The following ERGIC1 variants were observed in gnomAD, a reference collection of about 807,000 sequenced individuals.
ERGIC1 encodes endoplasmic reticulum-golgi intermediate compartment 1.
A neutral mutation model predicts 38.3 loss-of-function variants in ERGIC1; 19 were observed. The ratio of observed to expected loss-of-function variants is 0.50; its 90% CI spans 0.35 to 0.73. The LOEUF (loss-of-function observed/expected upper bound fraction) is 0.73. ERGIC1 is among the 30% of genes least tolerant of loss of function. The probability of loss-of-function intolerance (pLI) is 0.01; values close to 1 mark genes in which losing one functional copy is unlikely to be tolerated. For synonymous variants in ERGIC1, 124 were observed against 157.6 expected, an observed-to-expected ratio of 0.79 and a Z score of 1.60; for missense variants, 294 against 389.2, an observed-to-expected ratio of 0.76 and a Z score of 2.06.
intron 1 of ERGIC1, among the ~76,000 whole-genome samples, chr5:172,863,435 C>T (rs1761769906): frequency 6.6e-6 from 1 of 152,176 alleles, no homozygotes; most frequent in Non-Finnish European, 1.5e-5. Context: ...GTCTCAGGTA[C>T]ACCACTGCGC....
At chr5:172,924,226 A>G in intron 6 of ERGIC1, 117 bp downstream of exon 6, 1 of 982,562 alleles carries the variant, frequency 1.0e-6, no homozygotes. Flanking sequence ...GTGACATCTA[A>G]GCCAAGCCTG....
intron 3 of ERGIC1, chr5:172,897,919 T>G (rs1762763694): frequency 2.4e-6 from 1 of 413,628 alleles, no homozygotes; most frequent in Non-Finnish European, 4.4e-6. Flanking sequence ...TAGAATTATC[T>G]GTTGTCTGGA....
intron 1 of ERGIC1, among the ~76,000 whole-genome samples, chr5:172,866,111 G>A (rs938956047): frequency 9.9e-5 from 15 of 152,080 alleles, no homozygotes; most frequent in African/African-American, 3.4e-4. Flanking sequence ...TGGTATTGCC[G>A]AGTCCAATTA....
intron 5 of ERGIC1, chr5:172,921,396 C>T (rs1377006283): frequency 6.6e-6 from 1 of 152,252 alleles, no homozygotes; most frequent in Non-Finnish European, 1.5e-5. Flanking sequence ...CTGCAGCTCG[C>T]TCCACTGCGA....
chr5:172,910,520 C>CTTTTTTTTTTTTT (rs58360974), intron 4 of ERGIC1, among the ~76,000 whole-genome samples: 42 of 139,042 alleles, frequency 3.0e-4, no homozygotes, highest in African/African-American at 1.2e-3. Flanking sequence ...TGAATTACTT[C>CTTTTTTTTTTTTT]TTTTTTTTTT....
intron 1 of ERGIC1, among the ~76,000 whole-genome samples, chr5:172,859,342 T>A (rs1262895528): frequency 1.3e-5 from 2 of 152,176 alleles, no homozygotes; most frequent in African/African-American, 4.8e-5. Context: ...CCAGAACCTT[T>A]GAGCTCCGTG....
chr5:172,846,800 T>C lies in ERGIC1; in HGVS notation c.20+12367T>C, dbSNP rs537978160. Reference sequence around the variant, plus strand: ...CATTGCTGTGGATTCAGGATGTGACTCTTGACTGCCGTGAGGACTAAATAA... The same window carrying C: ...CATTGCTGTGGATTCAGGATGTGACCCTTGACTGCCGTGAGGACTAAATAA... On this transcript the variant is annotated intron_variant, in intron 1 of 9. Coordinates refer to ENST00000393784, the MANE Select transcript of ERGIC1 (RefSeq NM_001031711.3). This position sits in a 1 kb window ranked among gnomAD's most constrained non-coding sequence, Gnocchi z 4.0. Among the ~76,000 whole-genome samples, 87 of 152,278 alleles carry C rather than the reference T, an allele frequency of 5.7e-4. No individual in the cohort carries two copies. The highest frequency in any genetic ancestry group is 1.1e-3 in the Non-Finnish European group (74 of 68,000).
At chr5:172,836,972 G>A (rs1761052111) in intron 1 of ERGIC1, among the ~76,000 whole-genome samples, 1 of 152,126 alleles carries the variant, frequency 6.6e-6, no homozygotes, top group South Asian at 2.1e-4. Flanking sequence ...TTGAACTTGG[G>A]GCTGTTAGCT....
At chr5:172,881,508 G>A (rs956653911) in intron 1 of ERGIC1, among the ~76,000 whole-genome samples, 7 of 152,156 alleles carry the variant, frequency 4.6e-5, no homozygotes, top group South Asian at 2.1e-4. Flanking sequence ...TCCAGTGGCC[G>A]GGGAGGGCTA....
chr5:172,933,964 CTT>C (rs900526050), intron 8 of ERGIC1: 2 of 152,090 alleles, frequency 1.3e-5, no homozygotes, highest in Non-Finnish European at 2.9e-5. Flanking sequence ...ATTTTTCACT[CTT>C]TTTCTCTGTC....
intron 1 of ERGIC1, among the ~76,000 whole-genome samples, chr5:172,857,830 C>T (rs1220523257): frequency 1.3e-5 from 2 of 152,150 alleles, no homozygotes; most frequent in African/African-American, 2.4e-5. Flanking sequence ...CTGCTCTCTG[C>T]TTTGCCTTCC....
chr5:172,893,155 C>T lies in ERGIC1; in HGVS notation c.83-3847C>T, dbSNP rs553615502. Among the ~76,000 whole-genome samples, 4 of 152,070 alleles carry T rather than the reference C, an allele frequency of 2.6e-5. No homozygotes were observed. In the South Asian group the frequency reaches 6.2e-4, roughly 24 times the overall value. On this transcript the variant is annotated intron_variant, in intron 2 of 9. Transcript: ENST00000393784. ...TTCATGAACACATCCTGTTTTGTTT[C>T]GTTTTTTTTGAGACAGAATTTCACT...
At chr5:172,879,695 TC>T (rs1470768950) in intron 1 of ERGIC1, among the ~76,000 whole-genome samples, 1 of 152,154 alleles carries the variant, frequency 6.6e-6, no homozygotes, top group Non-Finnish European at 1.5e-5. Flanking sequence ...ACATCACCCA[TC>T]GGGGGCAGGA....
intron 9 of ERGIC1, among the ~76,000 whole-genome samples, chr5:172,943,279 C>A (rs1323664430): frequency 6.6e-6 from 1 of 152,052 alleles, no homozygotes; most frequent in Non-Finnish European, 1.5e-5. Flanking sequence ...GTAAAAATGT[C>A]AGCGGGAGGC....
intron 9 of ERGIC1, among the ~76,000 whole-genome samples, chr5:172,942,127 G>C (rs923071592): frequency 6.6e-6 from 1 of 152,170 alleles, no homozygotes; most frequent in Non-Finnish European, 1.5e-5. Flanking sequence ...CTTGAACCAG[G>C]AGGTTGCAGT....
intron 1 of ERGIC1, among the ~76,000 whole-genome samples, chr5:172,886,565 G>A (rs1205313237): frequency 1.3e-5 from 2 of 152,236 alleles, no homozygotes; most frequent in Non-Finnish European, 2.9e-5. Flanking sequence ...AAGAGGGGGT[G>A]TGTTAGTAGG....
chr5:172,873,829 A>G (rs573448469), intron 1 of ERGIC1, among the ~76,000 whole-genome samples: 3 of 152,354 alleles, frequency 2.0e-5, no homozygotes, highest in South Asian at 4.1e-4. Flanking sequence ...TGCTTGGCCC[A>G]TAGGGTGGGA....
chr5:172,897,957 G>C (rs867238577), intron 3 of ERGIC1: 1 of 413,448 alleles, frequency 2.4e-6, no homozygotes. Flanking sequence ...TGGGGTGTGT[G>C]TAACAGAATG....
rs1413731448 is a variant in ERGIC1 at position 172,926,007 on chromosome 5, G to A, written c.481-502G>A. On this transcript the variant is annotated intron_variant, in intron 6 of 9. Coordinates refer to ENST00000393784, the MANE Select transcript of ERGIC1 (RefSeq NM_001031711.3). This position sits in a 1 kb window ranked among gnomAD's most constrained non-coding sequence, Gnocchi z 5.2. Reference sequence around the variant, plus strand: ...ACATGATGGGGGGCCCACAGCTCTGGGGCATCCCTGCCTGGACTCCTCTAT... The same window carrying A: ...ACATGATGGGGGGCCCACAGCTCTGAGGCATCCCTGCCTGGACTCCTCTAT... 6.6e-6 allele frequency among the ~76,000 whole-genome samples: 1 copy of A among 152,136 alleles called. No homozygotes were observed. Among genetic ancestry groups the A allele is most frequent in the Non-Finnish European group, 1.5e-5 (1 of 68,018 alleles).
Sources: gnomAD v4.1 joint callset for allele counts (sites outside exome capture counted in the v4.1 genomes callset) on GRCh38, gnomAD v4.1.1 for gene constraint, Gnocchi (gnomAD v3.1) non-coding constraint, MANE v1.5 for transcripts, NCBI Gene and HGNC (gene_info 2026-07-23, HGNC 2026-07-21) for gene names.